HK2: variants seen among roughly 807,000 people sequenced by gnomAD.
HK2 encodes the protein hexokinase-2.
Under a neutral mutation model 92.9 loss-of-function variants are expected in HK2, and 42 were observed. The ratio of observed to expected loss-of-function variants is 0.45; its 90% CI spans 0.35 to 0.58. The LOEUF (loss-of-function observed/expected upper bound fraction) is 0.58, where lower values mean the gene tolerates loss of function less well. HK2 is among the 20% of genes least tolerant of loss of function. HK2 has a pLI of 0.00. For missense variants in HK2, 978 were observed against 1,245.1 expected (o/e 0.79, Z 3.23); for synonymous variants, 422 against 468.0 (o/e 0.90, Z 1.27).
At chr2:74,837,842 T>C (rs1405313603) in intron 1 of HK2, among the ~76,000 whole-genome samples, 19 of 151,874 alleles carry the variant, frequency 1.3e-4, no homozygotes, top group Admixed American at 1.2e-3. Context: ...TGCCCAGCTA[T>C]TTTTTGTATT....
At position 74,886,297 on chromosome 2, in the gene HK2, T is replaced by C. The variant is rs894611714; in HGVS notation, c.1939T>C (p.Phe647Leu). 4.3e-6 allele frequency: 7 copies of C among 1,613,868 alleles called. No individual in the cohort carries two copies. In the East Asian group the frequency reaches 1.6e-4, roughly 36 times the overall value. Residue 647 changes from phenylalanine to leucine, a missense_variant, in exon 14 of 18, where the codon TTT becomes CTT. By Grantham distance (22) the Phe-to-Leu change is conservative (BLOSUM62 0). Around this residue, in one of 3 missense-constraint regions of HK2, gnomAD observed 742 missense variants for 922.5 expected, o/e 0.80. Coordinates refer to ENST00000290573, the MANE Select transcript of HK2 (RefSeq NM_000189.5). ...LKEAIHRREE[F>L]DLDVVAVVND... is the part of the protein sequence containing the mutation. ...GCATCTGCTTCTTCCCTCTCAGGAGTTTGACCTGGATGTGGTTGCTGTGGT... is the reference window on the plus strand; with the variant it reads ...GCATCTGCTTCTTCCCTCTCAGGAGCTTGACCTGGATGTGGTTGCTGTGGT...
chr2:74,880,194 ACTGT>A (rs1573386635), intron 9 of HK2, 67 bp from the exon 10 acceptor site: 1 of 1,549,816 alleles, frequency 6.5e-7, no homozygotes, highest in Non-Finnish European at 8.9e-7. Context: ...GCGGTGGGCA[ACTGT>A]CTAACTATTT....
chr2:74,845,282 C>G (rs1354189388), intron 1 of HK2, among the ~76,000 whole-genome samples: 1 of 152,214 alleles, frequency 6.6e-6, no homozygotes, highest in Non-Finnish European at 1.5e-5. Flanking sequence ...TCCTTTATCC[C>G]AGTATCCTCA....
intron 2 of HK2, among the ~76,000 whole-genome samples, chr2:74,859,409 G>A (rs780436354): frequency 2.0e-5 from 3 of 152,236 alleles, no homozygotes; most frequent in East Asian, 1.9e-4. Context: ...ATAGAAGGCC[G>A]GGCATGGTGT....
chr2:74,834,759 G>A lies in HK2; in HGVS notation c.63+116G>A. 8.2e-7 allele frequency: 1 copy of A among 1,226,622 alleles called. No individual in the cohort carries two copies. The highest frequency in any genetic ancestry group is 1.2e-5 in the South Asian group (1 of 82,200). 76.0% of individuals were successfully genotyped at this position (1,226,622 alleles called of 1,614,324 possible). ...TCCTCCCTACTCCGGGCCTGGGAGCGGAAAAAGTTTGGGCAGCCGGGACAC... is the reference window on the plus strand; with the variant it reads ...TCCTCCCTACTCCGGGCCTGGGAGCAGAAAAAGTTTGGGCAGCCGGGACAC... On this transcript the variant is annotated intron_variant, in intron 1 of 17. Transcript: ENST00000290573. The surrounding 1 kb of genome is among the most constrained non-coding windows in gnomAD (Gnocchi z 4.2).
chr2:74,873,966 G>C, intron 6 of HK2, 23 bp downstream of exon 6: 1 of 1,570,338 alleles, frequency 6.4e-7, no homozygotes, highest in Non-Finnish European at 8.8e-7. Flanking sequence ...CGTGCATGAA[G>C]GGCCCGTGCT....
Position 74,834,380 on chromosome 2 carries a change from C to T in HK2, c.-201C>T. The T allele has an allele frequency of 1.6e-6, 1 of 637,076 alleles. No individual in the cohort carries two copies. Among genetic ancestry groups the T allele is most frequent in the Non-Finnish European group, 2.8e-6 (1 of 353,250 alleles). 39.5% of individuals were successfully genotyped at this position (637,076 alleles called of 1,614,324 possible). On this transcript the variant is annotated 5_prime_UTR_variant, in exon 1 of 18. Coordinates refer to ENST00000290573, the MANE Select transcript of HK2 (RefSeq NM_000189.5). This position sits in a 1 kb window ranked among gnomAD's most constrained non-coding sequence, Gnocchi z 4.2. ...GAGGCGCCTTCTAGCAGTTGTGACG[C>T]CAAAATCACGTCTCCGGAGACCCGC...
chr2:74,879,389 G>C (rs186023716), intron 9 of HK2, among the ~76,000 whole-genome samples: 12 of 152,286 alleles, frequency 7.9e-5, no homozygotes, highest in South Asian at 4.1e-4. Flanking sequence ...TGTCAGCTGA[G>C]ACCTGGAAGA....
intron 1 of HK2, among the ~76,000 whole-genome samples, chr2:74,843,717 A>T (rs1450507253): frequency 6.6e-6 from 1 of 152,112 alleles, no homozygotes; most frequent in Non-Finnish European, 1.5e-5. Context: ...TCCTTCTGGC[A>T]TCTCCATATT....
intron 8 of HK2, 138 bp downstream of exon 8, chr2:74,877,459 C>A: frequency 1.1e-6 from 1 of 949,000 alleles, no homozygotes; most frequent in Non-Finnish European, 1.7e-6. Context: ...TGGACCATGG[C>A]GGGCCTGTGG....
At chr2:74,865,991 C>G (rs549163016) in intron 2 of HK2, among the ~76,000 whole-genome samples, 1 of 152,126 alleles carries the variant, frequency 6.6e-6, no homozygotes, top group African/African-American at 2.4e-5. Flanking sequence ...CTCAGAGGCT[C>G]AGGAACTTGC....
chr2:74,855,077 A>G (rs532442470), intron 2 of HK2, among the ~76,000 whole-genome samples: 2 of 152,180 alleles, frequency 1.3e-5, no homozygotes, highest in South Asian at 2.1e-4. Context: ...GCTCACCGCA[A>G]CCTCCGCCTC....
Position 74,880,581 on chromosome 2 carries a change from G to A in HK2, c.1570+12G>A. On this transcript the variant is annotated intron_variant, in intron 10 of 17. Coordinates refer to ENST00000290573, the MANE Select transcript of HK2 (RefSeq NM_000189.5). The stretch of plus-strand genomic sequence containing the variant: ...CCCGGACGGCACAGGTACACGGCAG[G>A]GTTGCCACCTGGCTCACATGGTGGG... The A allele has an allele frequency of 6.2e-7, 1 of 1,611,710 alleles. No individual in the cohort carries two copies. The highest frequency in any genetic ancestry group is 1.1e-5 in the South Asian group (1 of 90,860).
intron 1 of HK2, among the ~76,000 whole-genome samples, chr2:74,850,215 C>T (rs960698402): frequency 2.0e-5 from 3 of 152,186 alleles, no homozygotes; most frequent in African/African-American, 7.2e-5. Flanking sequence ...TTTGGTTAGT[C>T]TGGAATGGAT....
chr2:74,874,518 C>T, intron 7 of HK2, 69 bp downstream of exon 7: 1 of 1,451,956 alleles, frequency 6.9e-7, no homozygotes, highest in Non-Finnish European at 9.4e-7. Flanking sequence ...CTGGTCGGGG[C>T]CAGGGGGTTG....
chr2:74,847,735 G>A (rs1182053533), intron 1 of HK2, among the ~76,000 whole-genome samples: 2 of 152,180 alleles, frequency 1.3e-5, no homozygotes, highest in Non-Finnish European at 2.9e-5. Context: ...GAAGCTCCAA[G>A]CTTCCTGACA....
chr2:74,879,056 A>T (rs906242378), intron 9 of HK2, 135 bp downstream of exon 9: 54 of 798,246 alleles, frequency 6.8e-5, no homozygotes, highest in Non-Finnish European at 1.1e-4. Context: ...TGGTGGAATG[A>T]AAGTTCCCAC....
At chr2:74,860,340 TAAA>T (rs941497640) in intron 2 of HK2, among the ~76,000 whole-genome samples, 4 of 151,902 alleles carry the variant, frequency 2.6e-5, no homozygotes, top group Non-Finnish European at 5.9e-5. Context: ...TTTAAACAAC[TAAA>T]AAAAACCTCC....
intron 1 of HK2, among the ~76,000 whole-genome samples, chr2:74,853,338 G>A (rs1424915631): frequency 6.6e-6 from 1 of 152,062 alleles, no homozygotes; most frequent in African/African-American, 2.4e-5. Context: ...ACAACATGGT[G>A]AAACCCTGTC....
Sources: gnomAD v4.1 joint callset for allele counts (sites outside exome capture counted in the v4.1 genomes callset) on GRCh38, gnomAD v4.1.1 for gene constraint, gnomAD v4.1.1 regional missense constraint, Gnocchi (gnomAD v3.1) non-coding constraint, MANE v1.5 for transcripts, NCBI Gene and HGNC (gene_info 2026-07-23, HGNC 2026-07-21) for gene names.